The following TRAPPC9 variants were observed in gnomAD, a reference collection of about 807,000 sequenced individuals.
TRAPPC9 encodes the protein trafficking protein particle complex subunit 9.
Under a neutral mutation model 124.0 loss-of-function variants are expected in TRAPPC9, and 83 were observed. The observed-to-expected ratio is 0.67, with a 90% CI of 0.56 to 0.80. The LOEUF (loss-of-function observed/expected upper bound fraction) is 0.80. Among genes scored for constraint, TRAPPC9 ranks in the 30% least tolerant of loss-of-function variants. The pLI is 0.00. For synonymous variants in TRAPPC9, 638 were observed against 617.5 expected (o/e 1.03, Z -0.49); for missense variants, 1,302 against 1,508.3 (o/e 0.86, Z 2.27).
At chr8:139,945,896 G>T (rs890377804) in intron 19 of TRAPPC9, among the ~76,000 whole-genome samples, 3 of 152,202 alleles carry the variant, frequency 2.0e-5, no homozygotes, top group Non-Finnish European at 2.9e-5. Context: ...TAAAAAGGTG[G>T]ATATAGTAAT....
chr8:140,121,555 C>A (rs1225366344), intron 17 of TRAPPC9, among the ~76,000 whole-genome samples: 1 of 152,174 alleles, frequency 6.6e-6, no homozygotes, highest in Non-Finnish European at 1.5e-5. Context: ...CAGGCAGCAG[C>A]AGCAACAGAA....
rs887273651 is a variant in TRAPPC9 at position 139,874,510 on chromosome 8, C to T, written c.3055+11369G>A. On this transcript the variant is annotated intron_variant, in intron 21 of 22. Transcript: ENST00000438773. Reference sequence around the variant, plus strand: ...CAGCTGGGCCCAGGCGAGGCACAAACGTGTGGGGCCAGGGAGGCCAAGGCA... The same window carrying T: ...CAGCTGGGCCCAGGCGAGGCACAAATGTGTGGGGCCAGGGAGGCCAAGGCA... 3.9e-5 allele frequency among the ~76,000 whole-genome samples: 6 copies of T among 152,204 alleles called. No homozygotes were observed. In the East Asian group the frequency reaches 7.7e-4, roughly 20 times the overall value.
intron 21 of TRAPPC9, among the ~76,000 whole-genome samples, chr8:139,879,302 G>A (rs955833011): frequency 2.0e-5 from 3 of 152,218 alleles, no homozygotes; most frequent in African/African-American, 4.8e-5. Context: ...ATTCCACTGC[G>A]CGGGATGGGA....
intron 1 of TRAPPC9, among the ~76,000 whole-genome samples, chr8:140,452,375 G>T (rs1195790450): frequency 2.7e-5 from 4 of 147,478 alleles, no homozygotes; most frequent in Non-Finnish European, 5.9e-5. Context: ...AGCCCAGATG[G>T]CGCCACTGCA....
rs1451277993 is a variant in TRAPPC9 at position 139,894,666 on chromosome 8, A to AC, written c.2965-8698dup. 2.0e-5 allele frequency among the ~76,000 whole-genome samples: 3 copies of AC among 152,074 alleles called. No individual in the cohort carries two copies. In the South Asian group the frequency reaches 6.2e-4, roughly 32 times the overall value. ...TCTCACTTCCTCCACTCCTGACCAG[A>AC]CCCCTGTGAGCCATGCTGTGACTCA... is the stretch of plus-strand genomic sequence containing the variant. On this transcript the variant is annotated intron_variant, in intron 20 of 22. Coordinates refer to ENST00000438773, the MANE Select transcript of TRAPPC9 (RefSeq NM_001160372.4).
intron 21 of TRAPPC9, among the ~76,000 whole-genome samples, chr8:139,752,278 A>T (rs1186456246): frequency 6.8e-6 from 1 of 147,070 alleles, no homozygotes; most frequent in Non-Finnish European, 1.5e-5. Context: ...TCCAACATCT[A>T]CCCATCCATC....
intron 20 of TRAPPC9, among the ~76,000 whole-genome samples, chr8:139,895,076 G>A (rs141481435): frequency 6.6e-5 from 10 of 152,164 alleles, no homozygotes; most frequent in Middle Eastern, 3.4e-3. Flanking sequence ...CGGGCTACTC[G>A]GGGACAGAAC....
At chr8:140,450,746 T>C in intron 2 of TRAPPC9, 44 bp downstream of exon 2, 1 of 1,478,058 alleles carries the variant, frequency 6.8e-7, no homozygotes, top group Non-Finnish European at 9.3e-7. Flanking sequence ...TTTCCCTTTC[T>C]GATGCAGGGA....
intron 17 of TRAPPC9, among the ~76,000 whole-genome samples, chr8:140,144,068 T>C (rs933280841): frequency 6.6e-6 from 1 of 152,248 alleles, no homozygotes; most frequent in African/African-American, 2.4e-5. Context: ...ATAATCTGTA[T>C]AAGACTATTT....
chr8:139,998,216 T>C (rs1448629038), intron 18 of TRAPPC9, among the ~76,000 whole-genome samples: 1 of 152,240 alleles, frequency 6.6e-6, no homozygotes, highest in East Asian at 1.9e-4. Context: ...TCTATTAAAG[T>C]ATCTTTCAGG....
intron 17 of TRAPPC9, chr8:140,096,203 A>G (rs1165555901): frequency 7.9e-5 from 12 of 152,242 alleles, no homozygotes; most frequent in Admixed American, 7.9e-4. Context: ...ATATTCTTTC[A>G]ATAGCTAAAA....
intron 17 of TRAPPC9, among the ~76,000 whole-genome samples, chr8:140,034,977 G>A (rs948604844): frequency 8.5e-5 from 13 of 152,344 alleles, no homozygotes; most frequent in South Asian, 2.1e-4. Flanking sequence ...CAGCTGCCGC[G>A]CCATGAGGCT....
At chr8:140,214,516 T>C (rs2063144051) in intron 17 of TRAPPC9, among the ~76,000 whole-genome samples, 1 of 152,214 alleles carries the variant, frequency 6.6e-6, no homozygotes. Flanking sequence ...AGAATGAAGT[T>C]CCAATGAATT....
intron 21 of TRAPPC9, among the ~76,000 whole-genome samples, chr8:139,751,591 G>A (rs1563784734): frequency 6.6e-6 from 1 of 152,058 alleles, no homozygotes; most frequent in Non-Finnish European, 1.5e-5. Context: ...ATCTGCCTAG[G>A]TATCTGGACT....
chr8:139,891,819 A>G (rs74490853), intron 20 of TRAPPC9, among the ~76,000 whole-genome samples: 3,530 of 152,318 alleles, frequency 0.023, 117 homozygotes, highest in African/African-American at 0.081. Flanking sequence ...CGCTCTAAGC[A>G]GCTTACACGT....
At chr8:139,832,320 T>C (rs1340972859) in intron 21 of TRAPPC9, among the ~76,000 whole-genome samples, 1 of 152,246 alleles carries the variant, frequency 6.6e-6, no homozygotes, top group African/African-American at 2.4e-5. Context: ...AGAGACTGCT[T>C]TTAATACTCG....
At chr8:139,747,799 G>A in intron 21 of TRAPPC9, among the ~76,000 whole-genome samples, 1 of 68,332 alleles carries the variant, frequency 1.5e-5, no homozygotes, top group South Asian at 7.3e-4. Context: ...GGCGTACAGG[G>A]GTCAGAGTGG....
chr8:140,000,893 A>G (rs1166430275), intron 18 of TRAPPC9, among the ~76,000 whole-genome samples: 1 of 152,224 alleles, frequency 6.6e-6, no homozygotes, highest in Non-Finnish European at 1.5e-5. Flanking sequence ...TATATACCCA[A>G]AAGATTATAA....
intron 16 of TRAPPC9, among the ~76,000 whole-genome samples, chr8:140,237,255 G>T (rs1285739816): frequency 1.3e-5 from 2 of 151,552 alleles, no homozygotes; most frequent in Non-Finnish European, 2.9e-5. Context: ...AAAAGCTCCT[G>T]AACAATCATC....
Sources: allele counts gnomAD v4.1 joint callset (sites outside exome capture counted in the v4.1 genomes callset), GRCh38; gene constraint gnomAD v4.1.1; transcripts MANE v1.5; gene names NCBI Gene and HGNC (gene_info 2026-07-23, HGNC 2026-07-21).